CNTRL: variants seen among roughly 807,000 people sequenced by gnomAD.
The protein encoded by CNTRL is 110 kDa centrosomal protein.
In CNTRL, 233 loss-of-function variants were observed where a neutral mutation model predicts 303.7. That is an observed-to-expected ratio of 0.77 (90% confidence interval 0.69 to 0.86). The LOEUF (loss-of-function observed/expected upper bound fraction) is 0.86, where lower values mean the gene tolerates loss of function less well. Ranked by LOEUF, CNTRL falls within the 40% of genes least tolerant of loss-of-function variation. CNTRL has a pLI of 0.00. For synonymous variants in CNTRL, 900 were observed against 922.2 expected, an observed-to-expected ratio of 0.98 and a Z score of 0.44; for missense variants, 2,524 against 2,650.6, an observed-to-expected ratio of 0.95 and a Z score of 1.05.
Position 121,144,832 on chromosome 9 carries a change from TGTCCCAGTAGGA to T in CNTRL, c.3052-8_3055del. The T allele has an allele frequency of 1.2e-6, 2 of 1,604,870 alleles. No individual in the cohort carries two copies. Among genetic ancestry groups the T allele is most frequent in the Non-Finnish European group, 1.7e-6 (2 of 1,172,592 alleles). ...AGCAGTGGTGCCTTTCTCATACTTC[TGTCCCAGTAGGA>T]GTTGCAGGAAGCAGAGAGGTTCAGC... On this transcript the variant is annotated splice_acceptor_variant and splice_polypyrimidine_tract_variant and coding_sequence_variant and intron_variant, in exon 21 of 44. Transcript: ENST00000373855. LOFTEE classifies it high-confidence loss of function.
intron 10 of CNTRL, among the ~76,000 whole-genome samples, chr9:121,114,885 C>G (rs901002351): frequency 2.0e-5 from 3 of 152,040 alleles, no homozygotes; most frequent in Non-Finnish European, 4.4e-5. Context: ...TAGTTCTATA[C>G]CATATAATGA....
At chr9:121,127,182 T>G (rs944331799) in intron 14 of CNTRL, among the ~76,000 whole-genome samples, 1 of 152,204 alleles carries the variant, frequency 6.6e-6, no homozygotes, top group Admixed American at 6.5e-5. Flanking sequence ...TTTACTGATA[T>G]ATGTACCATC....
At chr9:121,118,692 A>G (rs545907318) in intron 12 of CNTRL, 152 bp downstream of exon 12, 42 of 498,616 alleles carry the variant, frequency 8.4e-5, no homozygotes, top group Non-Finnish European at 1.3e-4. Flanking sequence ...CTCCATATCC[A>G]TGGGTTCTGC....
rs1270274837 is a variant in CNTRL, at chr9:121,083,404, A to G, written c.-32+2926A>G. On this transcript the variant is annotated intron_variant, in intron 2 of 43. Transcript: ENST00000373855. ...TTTTTACTTTTTAAATGTTTTCTTA[A>G]AAACTGAGACGCAAACACACACATT... Among the ~76,000 whole-genome samples, 3 of 152,164 alleles carry G rather than the reference A, an allele frequency of 2.0e-5. No homozygotes were observed. The East Asian group carries it at 5.8e-4, about 29-fold the overall frequency.
rs777472699 is a variant in CNTRL, at chr9:121,157,457, G to T, written c.4366-13G>T. ...TGTAACTGAATGGCTTTTAATGACA[G>T]TTTCTTTTCTAGACAAAAAATGCTG... On this transcript the variant is annotated splice_polypyrimidine_tract_variant and intron_variant, in intron 27 of 43. Coordinates refer to ENST00000373855, the MANE Select transcript of CNTRL (RefSeq NM_007018.6). 4.3e-6 allele frequency: 7 copies of T among 1,611,820 alleles called. No individual in the cohort carries two copies. Among genetic ancestry groups the T allele is most frequent in the Non-Finnish European group, 4.2e-6 (5 of 1,178,914 alleles).
At chr9:121,140,937 A>T in intron 17 of CNTRL, 151 bp downstream of exon 17, 2 of 691,802 alleles carry the variant, frequency 2.9e-6, no homozygotes. Context: ...CATGACTGAG[A>T]CAAAAGATTG....
At chr9:121,108,701 A>C (rs2049599396) in intron 8 of CNTRL, among the ~76,000 whole-genome samples, 1 of 152,108 alleles carries the variant, frequency 6.6e-6, no homozygotes, top group Non-Finnish European at 1.5e-5. Flanking sequence ...TGGGATGCTG[A>C]GGTGCAAGGA....
At chr9:121,080,768 T>C (rs1321969141) in intron 2 of CNTRL, among the ~76,000 whole-genome samples, 1 of 152,198 alleles carries the variant, frequency 6.6e-6, no homozygotes, top group Non-Finnish European at 1.5e-5. Flanking sequence ...CTCCTTTATA[T>C]ACTGTATAAG....
intron 1 of CNTRL, among the ~76,000 whole-genome samples, chr9:121,077,664 G>C (rs2047977030): frequency 6.6e-6 from 1 of 152,190 alleles, no homozygotes; most frequent in South Asian, 2.1e-4. Context: ...AAAACTACAG[G>C]CTGGGCACAG....
rs776078433 is a variant in CNTRL at position 121,175,126 on chromosome 9, G to A, written c.6856G>A (p.Glu2286Lys). Reference protein sequence around the residue: ...SLRRQVDALGELVTSTSADSA... With the variant: ...SLRRQVDALGKLVTSTSADSA... ...GAGGAGACAAGTAGATGCTTTAGGG[G>A]AATTGGTCACCAGCACCTCTGCAGA... Residue 2286 changes from glutamate to lysine, a missense_variant, in exon 43 of 44, where the codon GAA becomes AAA. Glu to Lys is a moderately conservative substitution (Grantham distance 56). Transcript: ENST00000373855. 1.5e-5 allele frequency: 24 copies of A among 1,613,934 alleles called. No homozygotes were observed. The highest frequency in any genetic ancestry group is 1.3e-5 in the African/African-American group (1 of 74,902).
At chr9:121,170,706 G>T (rs1357222845) in intron 39 of CNTRL, among the ~76,000 whole-genome samples, 1 of 152,176 alleles carries the variant, frequency 6.6e-6, no homozygotes, top group Non-Finnish European at 1.5e-5. Flanking sequence ...ACACGACTTG[G>T]CCTCCCAAAG....
chr9:121,117,886 G>A lies in CNTRL; in HGVS notation c.1456-460G>A, dbSNP rs549894924. Reference sequence around the variant, plus strand: ...CCCAGCTACTCGGGAGGCTGAGGCAGGAGAATGGCGTGAACCCGGGATGCA... The same window carrying A: ...CCCAGCTACTCGGGAGGCTGAGGCAAGAGAATGGCGTGAACCCGGGATGCA... On this transcript the variant is annotated intron_variant, in intron 11 of 43. Transcript: ENST00000373855. Among the ~76,000 whole-genome samples the A allele has an allele frequency of 8.4e-3, 1,277 of 152,130 alleles. 9 individuals carry two copies. Among genetic ancestry groups the A allele is most frequent in the Non-Finnish European group, 0.013 (907 of 68,002 alleles).
At chr9:121,095,627 G>A (rs1021965900) in intron 5 of CNTRL, among the ~76,000 whole-genome samples, 8 of 152,014 alleles carry the variant, frequency 5.3e-5, no homozygotes, top group Non-Finnish European at 1.0e-4. Flanking sequence ...TGATGGCCAA[G>A]AAAATGACTA....
chr9:121,167,681 C>T lies in CNTRL; in HGVS notation c.5844+4C>T, dbSNP rs961311124. 3 of 1,608,720 alleles carry T rather than the reference C, an allele frequency of 1.9e-6. No individual in the cohort carries two copies. The African/African-American group carries it at 4.0e-5, about 22-fold the overall frequency. On this transcript the variant is annotated splice_donor_region_variant and intron_variant, in intron 37 of 43. Transcript: ENST00000373855. ...CAAACTAGTCCAACAAGAAATGGTA[C>T]TACACATTTATGATTTTACATAAAA...
intron 4 of CNTRL, 80 bp from the exon 5 acceptor site, chr9:121,094,808 C>A (rs1391221323): frequency 5.6e-6 from 6 of 1,062,672 alleles, no homozygotes; most frequent in Non-Finnish European, 6.7e-6. Context: ...TCAAACAGAC[C>A]CTGATGCACA....
In CNTRL at chr9:121,122,901, C is replaced by T. The variant is rs1431375574; in HGVS notation, c.1651-1030C>T. On this transcript the variant is annotated intron_variant, in intron 12 of 43. Coordinates refer to ENST00000373855, the MANE Select transcript of CNTRL (RefSeq NM_007018.6). ...TAAGTGTAGTTGTAGAGGGGTATAC[C>T]TCCTTAGGGCCCTCCATTTTGAGAC... Among the ~76,000 whole-genome samples the T allele has an allele frequency of 2.6e-5, 4 of 152,016 alleles. No individual in the cohort carries two copies. The East Asian group carries it at 7.7e-4, about 29-fold the overall frequency.
At chr9:121,099,402 G>A (rs557997699) in intron 7 of CNTRL, among the ~76,000 whole-genome samples, 2 of 152,242 alleles carry the variant, frequency 1.3e-5, no homozygotes, top group Admixed American at 1.3e-4. Context: ...CTATCTGTAC[G>A]TCACCATCAT....
intron 26 of CNTRL, among the ~76,000 whole-genome samples, chr9:121,153,661 G>A (rs565027603): frequency 7.9e-5 from 12 of 152,308 alleles, no homozygotes; most frequent in African/African-American, 2.9e-4. Context: ...GTCACTTAGT[G>A]AATGCAGCAT....
rs140700611 is a variant in CNTRL, at chr9:121,110,732, G to C, written c.1003-1727G>C. 4.7e-3 allele frequency among the ~76,000 whole-genome samples: 716 copies of C among 151,984 alleles called. 2 individuals carry two copies. Among genetic ancestry groups the C allele is most frequent in the South Asian group, 0.018 (86 of 4,804 alleles). On this transcript the variant is annotated intron_variant, in intron 8 of 43. Coordinates refer to ENST00000373855, the MANE Select transcript of CNTRL (RefSeq NM_007018.6). ...TTTTAATGGATGTTTATATAGGAGA[G>C]CAAATTTGAATGTGGGGGAAAGAAT...
Sources: allele counts gnomAD v4.1 joint callset (sites outside exome capture counted in the v4.1 genomes callset), GRCh38; gene constraint gnomAD v4.1.1; transcripts MANE v1.5; gene names NCBI Gene and HGNC (gene_info 2026-07-23, HGNC 2026-07-21).